FAF1: variants seen among roughly 807,000 people sequenced by gnomAD.
FAF1 encodes Fas associated factor 1.
A neutral mutation model predicts 92.5 loss-of-function variants in FAF1; 25 were observed. The ratio of observed to expected loss-of-function variants is 0.27; its 90% CI spans 0.20 to 0.38. FAF1 has a LOEUF of 0.38. Ranked by LOEUF, FAF1 falls within the 10% of genes least tolerant of loss-of-function variation. The pLI, the probability that FAF1 is intolerant of heterozygous loss-of-function variation, is 1.00. For synonymous variants in FAF1, 234 were observed against 273.2 expected, an observed-to-expected ratio of 0.86 and a Z score of 1.42; for missense variants, 636 against 793.3, an observed-to-expected ratio of 0.80 and a Z score of 2.38.
At chr1:50,940,017 T>C (rs1050087173) in intron 1 of FAF1, among the ~76,000 whole-genome samples, 15 of 152,306 alleles carry the variant, frequency 9.8e-5, no homozygotes, top group African/African-American at 3.1e-4. Context: ...TTCAAGTAAT[T>C]CTCGTGCCTC....
At chr1:50,867,233 AAGAAGAT>A (rs1644488858) in intron 1 of FAF1, among the ~76,000 whole-genome samples, 1 of 152,092 alleles carries the variant, frequency 6.6e-6, no homozygotes. Flanking sequence ...CGTACAACTC[AAGAAGAT>A]AACATTGGAA....
intron 15 of FAF1, among the ~76,000 whole-genome samples, chr1:50,498,133 A>G (rs1054670655): frequency 1.3e-5 from 2 of 152,196 alleles, no homozygotes; most frequent in African/African-American, 4.8e-5. Flanking sequence ...GATCTTCAAC[A>G]AGGGTGGCAA....
At chr1:50,573,038 T>C (rs957626486) in intron 12 of FAF1, among the ~76,000 whole-genome samples, 1 of 151,910 alleles carries the variant, frequency 6.6e-6, no homozygotes, top group African/African-American at 2.4e-5. Context: ...ATGCTATAAG[T>C]AGAAACAAAC....
chr1:50,736,220 T>C (rs1294476271), intron 6 of FAF1, among the ~76,000 whole-genome samples: 1 of 152,214 alleles, frequency 6.6e-6, no homozygotes, highest in Non-Finnish European at 1.5e-5. Flanking sequence ...AATTCCCAAA[T>C]ATAACACTTA....
intron 3 of FAF1, among the ~76,000 whole-genome samples, chr1:50,797,149 C>T (rs1420122821): frequency 6.6e-6 from 1 of 151,468 alleles, no homozygotes; most frequent in East Asian, 1.9e-4. Context: ...AAAAGGCAAT[C>T]CAAAAAAATG....
intron 2 of FAF1, among the ~76,000 whole-genome samples, chr1:50,848,272 T>C (rs564127989): frequency 5.8e-4 from 88 of 152,330 alleles, no homozygotes; most frequent in Middle Eastern, 3.4e-3. Flanking sequence ...GTTCCTGGCA[T>C]ATGCAAAAGT....
At chr1:50,523,610 T>C (rs945340371) in intron 15 of FAF1, among the ~76,000 whole-genome samples, 1 of 152,214 alleles carries the variant, frequency 6.6e-6, no homozygotes, top group Non-Finnish European at 1.5e-5. Context: ...AATTGAATTG[T>C]TTAATTTTCT....
chr1:50,493,655 A>G (rs994934791), intron 15 of FAF1, among the ~76,000 whole-genome samples: 1 of 152,222 alleles, frequency 6.6e-6, no homozygotes, highest in African/African-American at 2.4e-5. Context: ...GAACTTGTCT[A>G]TATTATATAT....
chr1:50,451,451 T>C (rs1240091265), intron 18 of FAF1, among the ~76,000 whole-genome samples: 1 of 152,184 alleles, frequency 6.6e-6, no homozygotes, highest in Non-Finnish European at 1.5e-5. Flanking sequence ...CGAGATTATA[T>C]AATCTGCCTA....
intron 1 of FAF1, among the ~76,000 whole-genome samples, chr1:50,952,829 C>T (rs1233034245): frequency 6.6e-6 from 1 of 150,428 alleles, no homozygotes; most frequent in Non-Finnish European, 1.5e-5. Flanking sequence ...CCCCTCCGCC[C>T]GGCAGCCGCC....
chr1:50,770,274 A>G (rs1224117461), intron 4 of FAF1, among the ~76,000 whole-genome samples: 1 of 152,224 alleles, frequency 6.6e-6, no homozygotes, highest in Non-Finnish European at 1.5e-5. Context: ...GGCAAGAGAA[A>G]GAAATAAAAG....
rs111810191 is a variant in FAF1 at position 50,750,812 on chromosome 1, G to A, written c.368-6037C>T. Among the ~76,000 whole-genome samples the A allele has an allele frequency of 5.7e-3, 868 of 151,322 alleles. 6 individuals carry two copies. Among genetic ancestry groups the A allele is most frequent in the Non-Finnish European group, 9.7e-3 (659 of 67,770 alleles). On this transcript the variant is annotated intron_variant, in intron 4 of 18. Transcript: ENST00000396153. ...TAATTTTTGTATTTTTAGTAGAGAC[G>A]GGGGTTAACCATGCAGGCCAGGCTG...
intron 17 of FAF1, 22 bp from the exon 18 acceptor site, chr1:50,475,701 T>C: frequency 6.4e-7 from 1 of 1,553,446 alleles, no homozygotes; most frequent in Non-Finnish European, 8.8e-7. Context: ...AAAAACCAGG[T>C]GTTAAAATGT....
chr1:50,626,852 G>T (rs1653521449), intron 8 of FAF1, among the ~76,000 whole-genome samples: 1 of 152,120 alleles, frequency 6.6e-6, no homozygotes, highest in Non-Finnish European at 1.5e-5. Context: ...AGTGGCAGTG[G>T]AAATAGAAGT....
intron 3 of FAF1, among the ~76,000 whole-genome samples, chr1:50,792,760 G>A (rs527710867): frequency 6.6e-6 from 1 of 152,176 alleles, no homozygotes; most frequent in Non-Finnish European, 1.5e-5. Context: ...ACTGTTTTCT[G>A]TGAGTTGGGA....
chr1:50,841,577 T>TC (rs1001458087), intron 2 of FAF1, among the ~76,000 whole-genome samples: 3 of 151,980 alleles, frequency 2.0e-5, no homozygotes, highest in Non-Finnish European at 2.9e-5. Context: ...AGCTTTTTTT[T>TC]CCCTTTCTTT....
intron 13 of FAF1, among the ~76,000 whole-genome samples, chr1:50,561,558 G>A (rs181388967): frequency 6.6e-6 from 1 of 152,034 alleles, no homozygotes; most frequent in African/African-American, 2.4e-5. Flanking sequence ...CCGGGCGCAG[G>A]GGCTCATGCC....
At chr1:50,744,859 T>G (rs531200318) in intron 4 of FAF1, 84 bp from the exon 5 acceptor site, 5 of 722,712 alleles carry the variant, frequency 6.9e-6, no homozygotes, top group Admixed American at 2.5e-5. Flanking sequence ...CACTAATATG[T>G]GGCATACAGT....
intron 18 of FAF1, among the ~76,000 whole-genome samples, chr1:50,457,177 A>C (rs1267085827): frequency 6.6e-6 from 1 of 151,948 alleles, no homozygotes; most frequent in Non-Finnish European, 1.5e-5. Context: ...TGGAAATAGC[A>C]AAAGAATCTT....
Sources: allele counts gnomAD v4.1 joint callset (sites outside exome capture counted in the v4.1 genomes callset), GRCh38; gene constraint gnomAD v4.1.1; transcripts MANE v1.5; gene names NCBI Gene and HGNC (gene_info 2026-07-23, HGNC 2026-07-21).